The following GULP1 variants were observed in gnomAD, a reference collection of about 807,000 sequenced individuals.
GULP1 encodes the protein GULP PTB domain containing engulfment adaptor 1, also known as PTB domain-containing engulfment adapter protein 1.
A neutral mutation model predicts 40.9 loss-of-function variants in GULP1; 19 were observed. That is an observed-to-expected ratio of 0.46 (90% CI 0.32 to 0.68). The LOEUF (loss-of-function observed/expected upper bound fraction) is 0.68. Ranked by LOEUF, GULP1 falls within the 30% of genes least tolerant of loss-of-function variation. The probability of loss-of-function intolerance (pLI) is 0.03; values close to 1 mark genes in which losing one functional copy is unlikely to be tolerated. For synonymous variants in GULP1, 119 were observed against 117.6 expected (o/e 1.01, Z -0.08); for missense variants, 312 against 362.2 (o/e 0.86, Z 1.12).
chr2:188,541,419 T>A, intron 7 of GULP1, 101 bp downstream of exon 7: 1 of 976,232 alleles, frequency 1.0e-6, no homozygotes, highest in Non-Finnish European at 1.7e-6. Context: ...AATAATTTTC[T>A]GTAAATTATT....
chr2:188,463,390 G>A (rs1163291126), intron 2 of GULP1, among the ~76,000 whole-genome samples: 2 of 152,072 alleles, frequency 1.3e-5, no homozygotes, highest in Non-Finnish European at 2.9e-5. Flanking sequence ...CAGATGTATT[G>A]GAACTCAATT....
Position 188,336,610 on chromosome 2 carries a change from T to C in GULP1, c.-172+44444T>C, listed in dbSNP as rs546529343. ...AGAATGTGGCTGGAGTGTCCTGGAA[T>C]GTGGTGGGAGACATCCATGGATGAG... On this transcript the variant is annotated intron_variant, in intron 1 of 11. Transcript: ENST00000409830. 2.6e-5 allele frequency among the ~76,000 whole-genome samples: 4 copies of C among 152,236 alleles called. No homozygotes were observed. In the South Asian group the frequency reaches 8.3e-4, roughly 32 times the overall value.
At chr2:188,324,941 A>G (rs1574422164) in intron 1 of GULP1, among the ~76,000 whole-genome samples, 1 of 152,064 alleles carries the variant, frequency 6.6e-6, no homozygotes, top group South Asian at 2.1e-4. Flanking sequence ...AAGCACTATT[A>G]GAAAACAACT....
chr2:188,339,324 A>G (rs2042675358), intron 1 of GULP1, among the ~76,000 whole-genome samples: 2 of 152,264 alleles, frequency 1.3e-5, no homozygotes, highest in Middle Eastern at 3.4e-3. Context: ...TTCTGTTTAG[A>G]TGATGCTTTG....
chr2:188,524,311 A>G (rs1359200586), intron 5 of GULP1, among the ~76,000 whole-genome samples: 1 of 152,178 alleles, frequency 6.6e-6, no homozygotes, highest in Admixed American at 6.5e-5. Context: ...TATATTTTGC[A>G]GGATTTTGTA....
intron 4 of GULP1, among the ~76,000 whole-genome samples, chr2:188,506,263 C>T (rs1258640232): frequency 6.6e-6 from 1 of 151,596 alleles, no homozygotes; most frequent in African/African-American, 2.4e-5. Flanking sequence ...AATTAAATTC[C>T]TGGAGTTATA....
At chr2:188,477,770 A>G (rs528148498) in intron 3 of GULP1, 40 bp downstream of exon 3, 10 of 1,481,208 alleles carry the variant, frequency 6.8e-6, no homozygotes, top group Admixed American at 3.9e-5. Context: ...AGTCAAGCCA[A>G]TGTTGCTATG....
rs1238873263 is a variant in GULP1, at chr2:188,323,648, ATATGTG to A, written c.-172+31484_-172+31489del. 1.5e-4 allele frequency among the ~76,000 whole-genome samples: 9 copies of A among 60,938 alleles called. No homozygotes were observed. In the South Asian group the frequency reaches 4.8e-3, roughly 33 times the overall value. The allele number at this position is 60,938 out of a possible 152,430, so 40.0% of individuals were successfully genotyped here. On this transcript the variant is annotated intron_variant, in intron 1 of 11. Transcript: ENST00000409830. ...TGTGCCATTAAGGAGATATCTGAAGATATGTGTGTGTGTGTGTGTGTGTGTGTGTGT... is the reference window on the plus strand; with the variant it reads ...TGTGCCATTAAGGAGATATCTGAAGATGTGTGTGTGTGTGTGTGTGTGTGT...
chr2:188,421,010 T>C (rs1475432726), intron 2 of GULP1, among the ~76,000 whole-genome samples: 1 of 152,176 alleles, frequency 6.6e-6, no homozygotes, highest in East Asian at 1.9e-4. Flanking sequence ...CCTCTCCAGA[T>C]AGTTCATTTC....
chr2:188,459,530 C>G (rs2059537423), intron 2 of GULP1, among the ~76,000 whole-genome samples: 1 of 151,972 alleles, frequency 6.6e-6, no homozygotes, highest in South Asian at 2.1e-4. Context: ...AGATTTTTTC[C>G]TGCAGAGTTG....
intron 1 of GULP1, among the ~76,000 whole-genome samples, chr2:188,321,593 A>G (rs1317018437): frequency 6.6e-6 from 1 of 152,174 alleles, no homozygotes; most frequent in Non-Finnish European, 1.5e-5. Context: ...TATCACTTGT[A>G]TAGATGTATT....
chr2:188,310,074 G>C (rs1387317816), intron 1 of GULP1, among the ~76,000 whole-genome samples: 7 of 152,138 alleles, frequency 4.6e-5, no homozygotes, highest in Non-Finnish European at 7.4e-5. Flanking sequence ...AGGAATATGG[G>C]TTATTAATTT....
chr2:188,299,942 C>T (rs2035828871), intron 1 of GULP1, among the ~76,000 whole-genome samples: 1 of 152,192 alleles, frequency 6.6e-6, no homozygotes, highest in African/African-American at 2.4e-5. Context: ...GTGGATTTTA[C>T]AGTTATAGAG....
At chr2:188,576,729 A>G (rs1013513830) in intron 9 of GULP1, among the ~76,000 whole-genome samples, 12 of 152,114 alleles carry the variant, frequency 7.9e-5, no homozygotes, top group Non-Finnish European at 1.8e-4. Context: ...CAATGGTTTT[A>G]GAAATTGGAT....
At chr2:188,425,141 C>A (rs1416737892) in intron 2 of GULP1, among the ~76,000 whole-genome samples, 8 of 151,966 alleles carry the variant, frequency 5.3e-5, no homozygotes, top group Admixed American at 4.6e-4. Flanking sequence ...ATCACCACTG[C>A]CCATCACCTA....
intron 1 of GULP1, among the ~76,000 whole-genome samples, chr2:188,312,009 A>C (rs946747368): frequency 4.6e-5 from 7 of 151,828 alleles, no homozygotes; most frequent in Non-Finnish European, 7.4e-5. Context: ...AGAGAAATAC[A>C]GCATTAATAT....
At chr2:188,326,453 G>A (rs981680002) in intron 1 of GULP1, among the ~76,000 whole-genome samples, 3 of 152,022 alleles carry the variant, frequency 2.0e-5, no homozygotes, top group Non-Finnish European at 4.4e-5. Context: ...TTGGGTTAAT[G>A]TGAGGATTAA....
intron 1 of GULP1, among the ~76,000 whole-genome samples, chr2:188,324,924 T>G (rs2040533666): frequency 6.6e-6 from 1 of 152,010 alleles, no homozygotes; most frequent in Non-Finnish European, 1.5e-5. Context: ...ATTGGTATAA[T>G]GTATTCAAGC....
chr2:188,542,922 T>C (rs957577144), intron 7 of GULP1, among the ~76,000 whole-genome samples: 29 of 152,160 alleles, frequency 1.9e-4, no homozygotes, highest in African/African-American at 7.0e-4. Context: ...CCCATAGAAA[T>C]AAATTTCCTT....
Sources: allele counts gnomAD v4.1 joint callset (sites outside exome capture counted in the v4.1 genomes callset), GRCh38; gene constraint gnomAD v4.1.1; transcripts MANE v1.5; gene names NCBI Gene and HGNC (gene_info 2026-07-23, HGNC 2026-07-21).